VPS41: variants seen among roughly 807,000 people sequenced by gnomAD.
VPS41 encodes the protein VPS41 subunit of HOPS complex, also known as vacuolar protein sorting-associated protein 41 homolog.
A neutral mutation model predicts 130.9 loss-of-function variants in VPS41; 85 were observed. The ratio of observed to expected loss-of-function variants is 0.65; its 90% confidence interval spans 0.55 to 0.78. The LOEUF (loss-of-function observed/expected upper bound fraction) is 0.78, where lower values mean the gene tolerates loss of function less well. Among genes scored for constraint, VPS41 ranks in the 30% least tolerant of loss-of-function variants. The pLI is 0.00. For missense variants in VPS41, 874 were observed against 1,018.7 expected, an observed-to-expected ratio of 0.86 and a Z score of 1.93; for synonymous variants, 335 against 332.9, an observed-to-expected ratio of 1.01 and a Z score of -0.07.
At chr7:38,876,116 C>T (rs1786485551) in intron 2 of VPS41, among the ~76,000 whole-genome samples, 1 of 152,182 alleles carries the variant, frequency 6.6e-6, no homozygotes, top group Non-Finnish European at 1.5e-5. Flanking sequence ...GTGCTACTGA[C>T]ATCTAGCAGG....
At chr7:38,727,536 T>C (rs961117024) in intron 27 of VPS41, among the ~76,000 whole-genome samples, 28 of 152,212 alleles carry the variant, frequency 1.8e-4, no homozygotes. Flanking sequence ...AATTTGGAGT[T>C]AAATCTAACT....
intron 4 of VPS41, among the ~76,000 whole-genome samples, chr7:38,845,300 T>C (rs185294359): frequency 9.8e-5 from 15 of 152,344 alleles, no homozygotes; most frequent in African/African-American, 3.4e-4. Flanking sequence ...ATCTCTTTTA[T>C]TCTCATGCCA....
intron 7 of VPS41, among the ~76,000 whole-genome samples, chr7:38,816,219 T>C (rs1415650007): frequency 6.6e-6 from 1 of 152,124 alleles, no homozygotes; most frequent in Non-Finnish European, 1.5e-5. Flanking sequence ...ATAAGGTGAA[T>C]GCAACTACAG....
chr7:38,751,326 C>T (rs1156355373), intron 22 of VPS41, among the ~76,000 whole-genome samples: 1 of 152,198 alleles, frequency 6.6e-6, no homozygotes, highest in Non-Finnish European at 1.5e-5. Flanking sequence ...TCAAAAGTAT[C>T]TGGCCATCCA....
chr7:38,743,673 C>A, intron 23 of VPS41, 131 bp from the exon 24 acceptor site: 2 of 1,005,072 alleles, frequency 2.0e-6, no homozygotes, highest in Non-Finnish European at 2.9e-6. Flanking sequence ...CATGTGACAC[C>A]AACATTTACT....
rs780942218 is a variant in VPS41 at position 38,758,405 on chromosome 7, T to C, written c.1499A>G (p.His500Arg). ...CTTGTTCTGACTATCTTTCTTCAAA[T>C]GATCCCGAACTGCTTGAACTATGAC... ...NSVIVQAVRDHLKKDSQNKTL... is the reference protein window; with the variant it reads ...NSVIVQAVRDRLKKDSQNKTL... The change falls in exon 18 of 29, where the codon CAT becomes CGT. Residue 500 changes from histidine to arginine, a missense_variant. Physicochemically the swap from His to Arg is conservative, Grantham distance 29 (BLOSUM62 0). Coordinates refer to ENST00000310301, the MANE Select transcript of VPS41 (RefSeq NM_014396.4). 1 of 1,613,488 alleles carries C rather than the reference T, an allele frequency of 6.2e-7. No homozygotes were observed. Among genetic ancestry groups the C allele is most frequent in the Non-Finnish European group, 8.5e-7 (1 of 1,179,654 alleles).
intron 7 of VPS41, among the ~76,000 whole-genome samples, chr7:38,799,192 C>G (rs148604138): frequency 6.6e-6 from 1 of 151,922 alleles, no homozygotes; most frequent in Non-Finnish European, 1.5e-5. Context: ...GGGAGTAATC[C>G]CCAACTTGTG....
intron 25 of VPS41, among the ~76,000 whole-genome samples, chr7:38,731,188 CTATAGAATGTAATCATTTATTCTA>C: frequency 6.6e-6 from 1 of 152,162 alleles, no homozygotes; most frequent in Non-Finnish European, 1.5e-5. Flanking sequence ...AGACTATCCT[CTATAGAATGTAATCATTTATTCTA>C]TAACATCTGT....
intron 4 of VPS41, among the ~76,000 whole-genome samples, chr7:38,855,174 C>T (rs995243273): frequency 1.3e-4 from 18 of 136,150 alleles, no homozygotes; most frequent in Middle Eastern, 4.6e-3. Flanking sequence ...TGCGCCACTG[C>T]ACTCCAGCCT....
chr7:38,735,817 T>C (rs987004176), intron 25 of VPS41, among the ~76,000 whole-genome samples: 3 of 152,178 alleles, frequency 2.0e-5, no homozygotes, highest in African/African-American at 7.2e-5. Context: ...GCCCCTCTGT[T>C]AAGAAGACAC....
chr7:38,730,601 T>A (rs747754375), intron 25 of VPS41, among the ~76,000 whole-genome samples: 1 of 152,164 alleles, frequency 6.6e-6, no homozygotes, highest in Non-Finnish European at 1.5e-5. Flanking sequence ...ATTAAAATTT[T>A]AACAGACTGC....
intron 7 of VPS41, among the ~76,000 whole-genome samples, chr7:38,809,172 C>A (rs4723795): frequency 6.6e-6 from 1 of 151,648 alleles, no homozygotes; most frequent in African/African-American, 2.4e-5. Flanking sequence ...TATATCAAAT[C>A]ATCATTGTAT....
Position 38,908,828 on chromosome 7 carries a change from T to C in VPS41, c.21+326A>G, listed in dbSNP as rs191015491. Among the ~76,000 whole-genome samples the C allele has an allele frequency of 1.6e-3, 250 of 152,296 alleles. 1 individual carries two copies. Among genetic ancestry groups the C allele is most frequent in the Non-Finnish European group, 1.5e-3 (99 of 68,022 alleles). On this transcript the variant is annotated intron_variant, in intron 1 of 28. Transcript: ENST00000310301. ...ATTTCAGTCACCCGGCCTCTCTTCC[T>C]CCTCCCACAGGCAGTCAGTCCCTGA...
At chr7:38,772,483 GATGAGTC>G in intron 13 of VPS41, 32 bp downstream of exon 13, 4 of 1,335,580 alleles carry the variant, frequency 3.0e-6, no homozygotes, top group Non-Finnish European at 4.3e-6. Context: ...CTATGCTGTA[GATGAGTC>G]AATACTTTCA....
chr7:38,896,859 ATTC>A (rs895030803), intron 2 of VPS41, among the ~76,000 whole-genome samples: 1 of 152,206 alleles, frequency 6.6e-6, no homozygotes, highest in Non-Finnish European at 1.5e-5. Context: ...GAAAAATGTA[ATTC>A]TTCTTATGAG....
At chr7:38,746,381 T>C (rs1363894407) in intron 22 of VPS41, among the ~76,000 whole-genome samples, 1 of 151,946 alleles carries the variant, frequency 6.6e-6, no homozygotes, top group Admixed American at 6.6e-5. Context: ...GATGCAAAGA[T>C]GACAATAATA....
At chr7:38,871,842 A>G (rs1363072148) in intron 2 of VPS41, among the ~76,000 whole-genome samples, 1 of 152,218 alleles carries the variant, frequency 6.6e-6, no homozygotes, top group African/African-American at 2.4e-5. Context: ...ATTATTTTCT[A>G]TAAAGATAGA....
chr7:38,887,235 T>G (rs1786754092), intron 2 of VPS41, among the ~76,000 whole-genome samples: 1 of 152,156 alleles, frequency 6.6e-6, no homozygotes. Context: ...TTCTCCAAAC[T>G]AAAGCAGCAC....
At chr7:38,755,567 AC>A (rs2115725751) in intron 19 of VPS41, among the ~76,000 whole-genome samples, 1 of 152,262 alleles carries the variant, frequency 6.6e-6, no homozygotes, top group South Asian at 2.1e-4. Context: ...CTCACACGGA[AC>A]ACCTGGGGGC....
Sources: allele counts gnomAD v4.1 joint callset (sites outside exome capture counted in the v4.1 genomes callset), GRCh38; gene constraint gnomAD v4.1.1; transcripts MANE v1.5; gene names NCBI Gene and HGNC (gene_info 2026-07-23, HGNC 2026-07-21).